The following CHSY3 variants were observed in gnomAD, a reference collection of about 807,000 sequenced individuals.
CHSY3 encodes the protein chondroitin sulfate synthase 3.
CHSY3 carries 35 observed loss-of-function variants against 67.2 expected under a neutral mutation model. The ratio of observed to expected loss-of-function variants is 0.52; its 90% CI spans 0.40 to 0.69. The LOEUF (loss-of-function observed/expected upper bound fraction) is 0.69. Ranked by LOEUF, CHSY3 falls within the 30% of genes least tolerant of loss-of-function variation. The probability of loss-of-function intolerance (pLI) is 0.00; values close to 1 mark genes in which losing one functional copy is unlikely to be tolerated. For synonymous variants in CHSY3, 474 were observed against 434.7 expected, an observed-to-expected ratio of 1.09 and a Z score of -1.12; for missense variants, 1,069 against 1,138.5, an observed-to-expected ratio of 0.94 and a Z score of 0.88.
intron 2 of CHSY3, among the ~76,000 whole-genome samples, chr5:130,006,188 C>A (rs1763867653): frequency 6.6e-6 from 1 of 151,974 alleles, no homozygotes; most frequent in Non-Finnish European, 1.5e-5. Context: ...TCAACAAAAA[C>A]AAGGAGGAAC....
intron 2 of CHSY3, among the ~76,000 whole-genome samples, chr5:129,925,037 G>A (rs901615697): frequency 1.3e-5 from 2 of 152,118 alleles, no homozygotes; most frequent in East Asian, 1.9e-4. Flanking sequence ...TTCATGGAGG[G>A]AGATAAAAAA....
At chr5:130,096,523 T>C (rs1053781156) in intron 2 of CHSY3, among the ~76,000 whole-genome samples, 2 of 152,224 alleles carry the variant, frequency 1.3e-5, no homozygotes, top group African/African-American at 4.8e-5. Context: ...TCCATGGTTA[T>C]GTAACATGTT....
intron 2 of CHSY3, among the ~76,000 whole-genome samples, chr5:130,181,407 A>G (rs766140565): frequency 8.5e-5 from 13 of 152,178 alleles, no homozygotes; most frequent in Non-Finnish European, 1.8e-4. Context: ...CATCATTCTC[A>G]ATAGACACTT....
chr5:130,070,173 A>T (rs1239444786), intron 2 of CHSY3, among the ~76,000 whole-genome samples: 1 of 152,102 alleles, frequency 6.6e-6, no homozygotes, highest in Admixed American at 6.6e-5. Context: ...ATTTACCCTT[A>T]CTATTAACTG....
At chr5:130,017,477 G>T (rs1200025937) in intron 2 of CHSY3, among the ~76,000 whole-genome samples, 1 of 151,964 alleles carries the variant, frequency 6.6e-6, no homozygotes, top group Non-Finnish European at 1.5e-5. Context: ...AGGGAAGGCT[G>T]GGGTAGCGTA....
intron 2 of CHSY3, among the ~76,000 whole-genome samples, chr5:130,182,413 T>C (rs1233444480): frequency 6.6e-6 from 1 of 152,070 alleles, no homozygotes; most frequent in African/African-American, 2.4e-5. Context: ...TCATAAAATC[T>C]ATTGAATTTT....
chr5:130,008,217 C>A (rs2149644644), intron 2 of CHSY3, among the ~76,000 whole-genome samples: 1 of 152,210 alleles, frequency 6.6e-6, no homozygotes, highest in African/African-American at 2.4e-5. Flanking sequence ...ACTGTTGCTG[C>A]CCACCCCCCA....
chr5:129,904,089 C>T (rs1342931467), upstream of CHSY3, among the ~76,000 whole-genome samples: 4 of 150,728 alleles, frequency 2.7e-5, no homozygotes, highest in African/African-American at 9.8e-5. Flanking sequence ...GCCTAGGCGC[C>T]GGGAGGAGGC....
chr5:130,062,070 A>G (rs574251165), intron 2 of CHSY3, among the ~76,000 whole-genome samples: 159 of 152,230 alleles, frequency 1.0e-3, no homozygotes, highest in Non-Finnish European at 1.7e-3. Context: ...AAAAGAAATC[A>G]TTCTATCAAA....
intron 2 of CHSY3, among the ~76,000 whole-genome samples, chr5:129,997,815 T>C (rs1439094855): frequency 1.3e-5 from 2 of 152,192 alleles, no homozygotes; most frequent in Non-Finnish European, 2.9e-5. Flanking sequence ...GCTTCATCCA[T>C]GTCCCCGCAA....
intron 2 of CHSY3, among the ~76,000 whole-genome samples, chr5:130,041,823 T>G: frequency 6.6e-6 from 1 of 152,288 alleles, no homozygotes; most frequent in Admixed American, 6.5e-5. Context: ...TTTAAAAATG[T>G]GAAAGTTTCT....
At chr5:130,142,115 T>A (rs73788412) in intron 2 of CHSY3, among the ~76,000 whole-genome samples, 12,907 of 152,198 alleles carry the variant, frequency 0.085, 951 homozygotes, top group East Asian at 0.27. Context: ...GGTACATAAC[T>A]TTGCACTTTA....
intron 2 of CHSY3, among the ~76,000 whole-genome samples, chr5:129,913,793 A>T (rs1283262536): frequency 6.6e-6 from 1 of 152,148 alleles, no homozygotes; most frequent in Non-Finnish European, 1.5e-5. Flanking sequence ...TGGTAAAAAT[A>T]TTTATCTGTA....
chr5:130,084,061 T>C (rs1213952123), intron 2 of CHSY3, among the ~76,000 whole-genome samples: 1 of 152,024 alleles, frequency 6.6e-6, no homozygotes, highest in East Asian at 1.9e-4. Context: ...TTTAATGTAA[T>C]TTAGCCACAA....
At chr5:130,143,748 ATATATATATGTGTGTGTGTG>A (rs1768955830) in intron 2 of CHSY3, among the ~76,000 whole-genome samples, 1 of 120,412 alleles carries the variant, frequency 8.3e-6, no homozygotes, top group South Asian at 3.0e-4. Flanking sequence ...ATATATATAT[ATATATATATGTGTGTGTGTG>A]TATATATATA....
chr5:129,996,990 C>T (rs1396829819), intron 2 of CHSY3, among the ~76,000 whole-genome samples: 3 of 151,794 alleles, frequency 2.0e-5, no homozygotes, highest in Non-Finnish European at 4.4e-5. Context: ...ATATAAAGAC[C>T]AGTGTTTTGT....
intron 2 of CHSY3, among the ~76,000 whole-genome samples, chr5:129,998,916 G>T (rs1763633507): frequency 6.6e-6 from 1 of 152,082 alleles, no homozygotes; most frequent in South Asian, 2.1e-4. Flanking sequence ...TTTTTAAAAT[G>T]CAGGCATAGT....
intron 2 of CHSY3, among the ~76,000 whole-genome samples, chr5:129,934,906 G>T (rs1485891729): frequency 6.6e-6 from 1 of 152,040 alleles, no homozygotes; most frequent in African/African-American, 2.4e-5. Context: ...GTCTAAATTT[G>T]GCACTCCGAA....
intron 2 of CHSY3, among the ~76,000 whole-genome samples, chr5:130,060,894 A>G (rs1382695636): frequency 6.6e-6 from 1 of 152,002 alleles, no homozygotes; most frequent in African/African-American, 2.4e-5. Flanking sequence ...AACAACAAAC[A>G]CTGATGAAAG....
Sources: allele counts gnomAD v4.1 joint callset (sites outside exome capture counted in the v4.1 genomes callset), GRCh38; gene constraint gnomAD v4.1.1; transcripts MANE v1.5; gene names NCBI Gene and HGNC (gene_info 2026-07-23, HGNC 2026-07-21).